GRWD1: variants seen among roughly 807,000 people sequenced by gnomAD.
GRWD1 encodes the protein glutamate-rich WD repeat-containing protein 1.
In GRWD1, 29 loss-of-function variants were observed where a neutral mutation model predicts 45.3. That is an observed-to-expected ratio of 0.64 (90% CI 0.48 to 0.87). The LOEUF is 0.87. GRWD1 is among the 40% of genes least tolerant of loss of function. The pLI, the probability that GRWD1 is intolerant of heterozygous loss-of-function variation, is 0.00. For synonymous variants in GRWD1, 262 were observed against 257.6 expected (o/e 1.02, Z -0.16); for missense variants, 592 against 618.8 (o/e 0.96, Z 0.46).
intron 6 of GRWD1, among the ~76,000 whole-genome samples, 176 bp downstream of exon 6, chr19:48,451,407 G>C (rs960711709): frequency 6.6e-6 from 1 of 152,180 alleles, no homozygotes; most frequent in Non-Finnish European, 1.5e-5. Context: ...GCAAGAGGAA[G>C]GGTGGCGGGT....
rs965634126 is a variant in GRWD1, at chr19:48,455,637, C to T, written c.*2612C>T. 5 of 152,200 alleles carry T rather than the reference C, an allele frequency of 3.3e-5. No individual in the cohort carries two copies. The highest frequency in any genetic ancestry group is 1.9e-4 in the East Asian group (1 of 5,190). The allele number at this position is 152,200 out of a possible 1,614,324, so 9.4% of individuals were successfully genotyped here. A position where few individuals can be genotyped will look rare whatever the true frequency, so the allele number is the denominator to read the frequency against. Reference sequence around the variant, plus strand: ...CAGATGGCCCCCTGGTGAAGGTTCCCGTTGGCTTTGGGAAGTAGACAACGG... The same window carrying T: ...CAGATGGCCCCCTGGTGAAGGTTCCTGTTGGCTTTGGGAAGTAGACAACGG... On this transcript the variant is annotated 3_prime_UTR_variant, in exon 7 of 7. Coordinates refer to ENST00000253237, the MANE Select transcript of GRWD1 (RefSeq NM_031485.4).
Position 48,452,785 on chromosome 19 carries a change from G to A in GRWD1, c.1101G>A (p.Gly367=). The A allele has an allele frequency of 6.2e-7, 1 of 1,611,332 alleles. No homozygotes were observed. The highest frequency in any genetic ancestry group is 1.1e-5 in the South Asian group (1 of 90,976). ...TSVEWHPQDS[G]VFAASGADHQ... is the part of the protein sequence containing the mutation. The stretch of plus-strand genomic sequence containing the variant: ...TCGAGTGGCACCCCCAGGACAGCGG[G>A]GTCTTTGCAGCCTCGGGTGCAGACC... The change falls in exon 7 of 7, where the codon GGG becomes GGA. Residue 367 remains glycine (G), a synonymous_variant. Coordinates refer to ENST00000253237, the MANE Select transcript of GRWD1 (RefSeq NM_031485.4). This position sits in a 1 kb window ranked among gnomAD's most constrained non-coding sequence, Gnocchi z 5.1.
chr19:48,446,805 G>C lies in GRWD1; in HGVS notation c.430G>C (p.Ala144Pro). ...AGAGCGGAAACCTCAGCTGGAGCTG[G>C]CCATGGTGCCCCACTATGGTGGCAT... is the stretch of plus-strand genomic sequence containing the variant. ...EEERKPQLEL[A>P]MVPHYGGINR... is the part of the protein sequence containing the mutation. Residue 144 changes from alanine (A) to proline (P), a missense_variant, in exon 3 of 7, where the codon GCC becomes CCC. By Grantham distance (27) the Ala-to-Pro change is conservative (BLOSUM62 -1). Coordinates refer to ENST00000253237, the MANE Select transcript of GRWD1 (RefSeq NM_031485.4). 6.2e-7 allele frequency: 1 copy of C among 1,613,978 alleles called. No homozygotes were observed. Among genetic ancestry groups the C allele is most frequent in the Non-Finnish European group, 8.5e-7 (1 of 1,180,026 alleles).
At position 48,447,477 on chromosome 19, in the gene GRWD1, G is replaced by A. The variant is rs959275743; in HGVS notation, c.468+634G>A. 4.6e-5 allele frequency among the ~76,000 whole-genome samples: 7 copies of A among 151,878 alleles called. 1 individual carries two copies. The highest frequency in any genetic ancestry group is 9.7e-5 in the African/African-American group (4 of 41,364). On this transcript the variant is annotated intron_variant, in intron 3 of 6. Coordinates refer to ENST00000253237, the MANE Select transcript of GRWD1 (RefSeq NM_031485.4). ...AGGCTGGTGGTGAACTCCTGACCTCGTGATCCGCCTGCCTCGGCTTCCCAA... is the reference window on the plus strand; with the variant it reads ...AGGCTGGTGGTGAACTCCTGACCTCATGATCCGCCTGCCTCGGCTTCCCAA...
intron 6 of GRWD1, among the ~76,000 whole-genome samples, chr19:48,451,535 C>T (rs765120690): frequency 1.5e-4 from 23 of 152,120 alleles, no homozygotes; most frequent in African/African-American, 4.1e-4. Flanking sequence ...GGTGTCTGTA[C>T]GGCCAGTGCT....
Position 48,446,744 on chromosome 19 carries a change from TGAAGAAGAAGAGGAG to T in GRWD1, c.375_389del (p.Glu125_Glu129del). The T allele has an allele frequency of 6.2e-7, 1 of 1,613,748 alleles. No homozygotes were observed. The highest frequency in any genetic ancestry group is 1.1e-5 in the South Asian group (1 of 91,034). ...AGCCCCCACCCTCAGAGGGCAGTGA[TGAAGAAGAAGAGGAG>T]GAAGATGAAGAGGATGAAGAAGAGC... is the stretch of plus-strand genomic sequence containing the variant. On this transcript the variant is annotated inframe_deletion, in exon 3 of 7. Transcript: ENST00000253237.
Position 48,452,738 on chromosome 19 carries a change from C to A in GRWD1, c.1054C>A (p.His352Asn). The A allele has an allele frequency of 6.3e-7, 1 of 1,588,822 alleles. No homozygotes were observed. The highest frequency in any genetic ancestry group is 8.6e-7 in the Non-Finnish European group (1 of 1,162,828). Residue 352 changes from histidine to asparagine, a missense_variant, in exon 7 of 7, where the codon CAC becomes AAC. Transcript: ENST00000253237. The surrounding 1 kb of genome is among the most constrained non-coding windows in gnomAD (Gnocchi z 5.1). ...SGSPVATFKQ[H>N]VAPVTSVEWH... ...TTCCCCAGTGGCCACCTTCAAGCAG[C>A]ACGTGGCCCCCGTGACCTCCGTCGA...
At position 48,454,090 on chromosome 19, in the gene GRWD1, G is replaced by A. The variant is rs1381952153; in HGVS notation, c.*1065G>A. On this transcript the variant is annotated 3_prime_UTR_variant, in exon 7 of 7. Transcript: ENST00000253237. ...CCGCCGCGTTCTGCCTTCTCTAAGT[G>A]TCCTTCCATCTGGAACTCACTCTGG... 1 of 152,150 alleles carries A rather than the reference G, an allele frequency of 6.6e-6. No individual in the cohort carries two copies. The highest frequency in any genetic ancestry group is 1.5e-5 in the Non-Finnish European group (1 of 68,118). The allele number at this position is 152,150 out of a possible 1,614,324, so 9.4% of individuals were successfully genotyped here.
intron 6 of GRWD1, among the ~76,000 whole-genome samples, chr19:48,451,938 C>T (rs1009790138): frequency 1.6e-4 from 24 of 152,126 alleles, no homozygotes; most frequent in African/African-American, 5.1e-4. Flanking sequence ...ATGAGAGAGA[C>T]GCCAATTGAG....
chr19:48,446,553 C>A, intron 2 of GRWD1, 51 bp downstream of exon 2: 1 of 1,592,938 alleles, frequency 6.3e-7, no homozygotes, highest in Non-Finnish European at 8.6e-7. Flanking sequence ...CCAGCCCCTT[C>A]CTCAGCACCC....
In GRWD1 at chr19:48,447,565, C is replaced by G. The variant is rs1971424542; in HGVS notation, c.468+722C>G. Among the ~76,000 whole-genome samples, 3 of 151,974 alleles carry G rather than the reference C, an allele frequency of 2.0e-5. No individual in the cohort carries two copies. The South Asian group carries it at 6.2e-4, about 32-fold the overall frequency. ...CAATTTTTTGTATTTTTAGTAGAGA[C>G]AAGGTTTCGCCTTGTTGGCTAGGCT... is the stretch of plus-strand genomic sequence containing the variant. On this transcript the variant is annotated intron_variant, in intron 3 of 6. Transcript: ENST00000253237.
intron 6 of GRWD1, among the ~76,000 whole-genome samples, chr19:48,451,711 G>T (rs1971477737): frequency 6.6e-6 from 1 of 152,146 alleles, no homozygotes; most frequent in Non-Finnish European, 1.5e-5. Context: ...TGCAGGAGAA[G>T]TTGCAGCGTC....
chr19:48,452,998 C>G lies in GRWD1; in HGVS notation c.1314C>G (p.Phe438Leu). 1 of 1,595,096 alleles carries G rather than the reference C, an allele frequency of 6.3e-7. No homozygotes were observed. The highest frequency in any genetic ancestry group is 8.6e-7 in the Non-Finnish European group (1 of 1,167,018). The change falls in exon 7 of 7, where the codon TTC (phenylalanine) becomes TTG (leucine). Residue 438 changes from phenylalanine (F) to leucine (L), a missense_variant. Transcript: ENST00000253237. The surrounding 1 kb of genome is among the most constrained non-coding windows in gnomAD (Gnocchi z 5.1). ...TGGTCAGCACGGCGCTGTCAGGCTT[C>G]ACCATCTTCCGCACCATCAGCGTCT... The part of the protein sequence containing the change: ...GLLVSTALSG[F>L]TIFRTISV
chr19:48,453,277 CTGTGTGT>C lies in GRWD1; in HGVS notation c.*253_*259del. 3 of 436,776 alleles carry C rather than the reference CTGTGTGT, an allele frequency of 6.9e-6. No individual in the cohort carries two copies. Among genetic ancestry groups the C allele is most frequent in the Non-Finnish European group, 1.2e-5 (3 of 245,256 alleles). The allele number at this position is 436,776 out of a possible 1,614,324, so 27.1% of individuals were successfully genotyped here. ...AGAGACTTGTGTGGCCTGGTGTGGCCTGTGTGTCGGATTCCTTCCTGTCAGCTGTGAC... is the reference window on the plus strand; with the variant it reads ...AGAGACTTGTGTGGCCTGGTGTGGCCCGGATTCCTTCCTGTCAGCTGTGAC... On this transcript the variant is annotated 3_prime_UTR_variant, in exon 7 of 7. Transcript: ENST00000253237.
rs1355900126 is a variant in GRWD1, at chr19:48,455,752, C to T, written c.*2727C>T. The T allele has an allele frequency of 6.6e-6, 1 of 152,252 alleles. No individual in the cohort carries two copies. The highest frequency in any genetic ancestry group is 1.5e-5 in the Non-Finnish European group (1 of 68,084). 9.4% of individuals were successfully genotyped at this position (152,252 alleles called of 1,614,324 possible). A position where few individuals can be genotyped will look rare whatever the true frequency, so the allele number is the denominator to read the frequency against. Reference sequence around the variant, plus strand: ...AAGGCTTAGGACCCAACCAGCATTCCCCCTGGCACTGCGGGGGCCTGGCCA... The same window carrying T: ...AAGGCTTAGGACCCAACCAGCATTCTCCCTGGCACTGCGGGGGCCTGGCCA... On this transcript the variant is annotated 3_prime_UTR_variant, in exon 7 of 7. Coordinates refer to ENST00000253237, the MANE Select transcript of GRWD1 (RefSeq NM_031485.4).
At chr19:48,446,629 T>G in intron 2 of GRWD1, 52 bp from the exon 3 acceptor site, 2 of 1,552,254 alleles carry the variant, frequency 1.3e-6, no homozygotes, top group Non-Finnish European at 1.7e-6. Flanking sequence ...GCCTCTCTCC[T>G]TCCTAAGAAT....
intron 6 of GRWD1, among the ~76,000 whole-genome samples, chr19:48,451,911 C>G (rs1156423152): frequency 6.6e-6 from 1 of 152,154 alleles, no homozygotes; most frequent in African/African-American, 2.4e-5. Flanking sequence ...ATTGGAACTT[C>G]AGAGCAGCCT....
Position 48,452,888 on chromosome 19 carries a change from G to A in GRWD1, c.1204G>A (p.Asp402Asn), listed in dbSNP as rs763171131. Residue 402 changes from aspartate to asparagine, a missense_variant, in exon 7 of 7, where the codon GAC becomes AAC. By Grantham distance (23) the Asp-to-Asn change is conservative. Coordinates refer to ENST00000253237, the MANE Select transcript of GRWD1 (RefSeq NM_031485.4). This position sits in a 1 kb window ranked among gnomAD's most constrained non-coding sequence, Gnocchi z 5.1. ...GDVEADPGLA[D>N]LPQQLLFVHQ... ...CGTGGAGGCCGACCCCGGACTGGCC[G>A]ACCTCCCGCAGCAGCTGCTGTTCGT... 13 of 1,612,056 alleles carry A rather than the reference G, an allele frequency of 8.1e-6. No homozygotes were observed. Among genetic ancestry groups the A allele is most frequent in the African/African-American group, 5.3e-5 (4 of 74,914 alleles).
chr19:48,449,343 C>T (rs557318657), intron 3 of GRWD1, among the ~76,000 whole-genome samples: 54 of 152,268 alleles, frequency 3.5e-4, no homozygotes, highest in African/African-American at 1.2e-3. Flanking sequence ...CTGCCCTCCT[C>T]GGCCTCCCAA....
Sources: gnomAD v4.1 joint callset for allele counts (sites outside exome capture counted in the v4.1 genomes callset) on GRCh38, gnomAD v4.1.1 for gene constraint, Gnocchi (gnomAD v3.1) non-coding constraint, MANE v1.5 for transcripts, NCBI Gene and HGNC (gene_info 2026-07-23, HGNC 2026-07-21) for gene names.